WDR87: variants seen among roughly 807,000 people sequenced by gnomAD.
The protein encoded by WDR87 is WD repeat domain 87, also known as WD repeat-containing protein 87.
In WDR87, 56 loss-of-function variants were observed where a neutral mutation model predicts 83.3. The ratio of observed to expected loss-of-function variants is 0.67; its 90% CI spans 0.54 to 0.84. The LOEUF is 0.84. WDR87 is among the 40% of genes least tolerant of loss of function. The pLI, the probability that WDR87 is intolerant of heterozygous loss-of-function variation, is 0.00. For missense variants in WDR87, 2,939 were observed against 3,431.9 expected (o/e 0.86, Z 3.59); for synonymous variants, 1,173 against 1,250.6 (o/e 0.94, Z 1.31).
rs60704260 is a variant in WDR87, at chr19:37,887,467, G to A, written c.6204C>T (p.Ser2068=). The A allele has an allele frequency of 0.22, 336,609 of 1,551,184 alleles. 44,475 individuals carry two copies. Among genetic ancestry groups the A allele is most frequent in the East Asian group, 0.62 (25,380 of 40,898 alleles). ...ATTCCAGTTTTCCTTTGGCAATTTCGCTTTCCTCCATGGCCAATATCCTGT... is the reference window on the plus strand; with the variant it reads ...ATTCCAGTTTTCCTTTGGCAATTTCACTTTCCTCCATGGCCAATATCCTGT... ...HEDRILAMEE[S]EIAKGKLEFT... Residue 2068 remains serine (S), a synonymous_variant, in exon 6 of 6, where the codon AGC becomes AGT. Transcript: ENST00000447313.
chr19:37,884,838 AAAAAG>A lies in WDR87; in HGVS notation c.*89_*93del. On this transcript the variant is annotated 3_prime_UTR_variant, in exon 6 of 6. Transcript: ENST00000447313. ...AGTGAAACACCGTCTCAAAAAAAAA[AAAAAG>A]AGAGAGAGAGAGATGAAGGTCTAGA... 6.8e-6 allele frequency: 8 copies of A among 1,184,342 alleles called. No homozygotes were observed. Among genetic ancestry groups the A allele is most frequent in the Admixed American group, 4.1e-5 (1 of 24,558 alleles). The allele number at this position is 1,184,342 out of a possible 1,614,324, so 73.4% of individuals were successfully genotyped here. A position where few individuals can be genotyped will look rare whatever the true frequency, so the allele number is the denominator to read the frequency against.
rs1209537330 is a variant in WDR87 at position 37,887,980 on chromosome 19, C to A, written c.5691G>T (p.Glu1897Asp). The change falls in exon 6 of 6, where the codon GAG becomes GAT. Residue 1897 changes from glutamate to aspartate, a missense_variant. Glu to Asp is a conservative substitution (Grantham distance 45). Coordinates refer to ENST00000447313, the MANE Select transcript of WDR87 (RefSeq NM_001291088.2). ...GTCTTTCTTTATTATAGAGTAGGTTCTCTTTCCTCTGAGCCAATTTTTCCT... is the reference window on the plus strand; with the variant it reads ...GTCTTTCTTTATTATAGAGTAGGTTATCTTTCCTCTGAGCCAATTTTTCCT... ...QEKEKLAQRK[E>D]NLLYNKERLT... 1 of 1,550,140 alleles carries A rather than the reference C, an allele frequency of 6.5e-7. No individual in the cohort carries two copies. The highest frequency in any genetic ancestry group is 8.7e-7 in the Non-Finnish European group (1 of 1,146,762).
chr19:37,905,453 G>GA (rs537462593), intron 1 of WDR87, among the ~76,000 whole-genome samples: 9 of 115,830 alleles, frequency 7.8e-5, no homozygotes, highest in African/African-American at 1.3e-4. Context: ...AACATAGCAA[G>GA]AAAAAAAAAA....
Position 37,893,111 on chromosome 19 carries a change from C to A in WDR87, c.2592G>T (p.Trp864Cys), listed in dbSNP as rs1191942123. 6.4e-6 allele frequency: 10 copies of A among 1,551,642 alleles called. No individual in the cohort carries two copies. The highest frequency in any genetic ancestry group is 1.7e-4 in the Middle Eastern group (1 of 6,014). The change falls in exon 4 of 6, where the codon TGG (tryptophan) becomes TGT (cysteine). Residue 864 changes from tryptophan to cysteine, a missense_variant. Trp to Cys is a radical substitution (Grantham distance 215, BLOSUM62 -2). Transcript: ENST00000447313. ...EWDRSQEFFF[W>C]HSRVRAISNT... ...TACTTATAGCTCTTACCCTGCTGTGCCAGAAAAAGAATTCTTGAGACCTGT... is the reference window on the plus strand; with the variant it reads ...TACTTATAGCTCTTACCCTGCTGTGACAGAAAAAGAATTCTTGAGACCTGT...
intron 1 of WDR87, among the ~76,000 whole-genome samples, chr19:37,902,068 C>T (rs546297954): frequency 6.6e-6 from 1 of 151,610 alleles, no homozygotes; most frequent in South Asian, 2.1e-4. Context: ...GCCACTCTTT[C>T]CCACACCATA....
Position 37,894,141 on chromosome 19 carries a change from C to T in WDR87, c.1562G>A (p.Gly521Glu), listed in dbSNP as rs537123903. 1.3e-6 allele frequency: 2 copies of T among 1,552,352 alleles called. No homozygotes were observed. The highest frequency in any genetic ancestry group is 1.2e-5 in the South Asian group (1 of 84,054). The change falls in exon 4 of 6, where the codon GGA (glycine) becomes GAA (glutamate). Residue 521 changes from glycine to glutamate, a missense_variant. By Grantham distance (98) the Gly-to-Glu change is moderately conservative. This residue lies in a region of WDR87 where 553 missense variants were observed against 577.9 expected (regional missense o/e 0.96). Coordinates refer to ENST00000447313, the MANE Select transcript of WDR87 (RefSeq NM_001291088.2). ...TCCATAGGAACAGAGCAGAGAGTTT[C>T]CTTGGCCACCAAAAATCCCTCCAGA... ...TLSGGIFGGQ[G>E]NSLLCSYGMD...
intron 1 of WDR87, among the ~76,000 whole-genome samples, chr19:37,902,802 G>A (rs1280232683): frequency 1.3e-5 from 2 of 152,110 alleles, no homozygotes; most frequent in Non-Finnish European, 2.9e-5. Flanking sequence ...CCACGACACG[G>A]TCAGGCCCCT....
In WDR87 at chr19:37,885,268, T is replaced by C. The variant is rs1035008278; in HGVS notation, c.8403A>G (p.Gln2801=). The change falls in exon 6 of 6, where the codon CAA becomes CAG. Residue 2801 remains glutamine, a synonymous_variant. Coordinates refer to ENST00000447313, the MANE Select transcript of WDR87 (RefSeq NM_001291088.2). ...EQFYQLMDLY[Q]LKSPRIQKLL... ...GCTTCTGGATTCTGGGGGACTTAAG[T>C]TGGTACAGGTCCATGAGCTGGTAGA... The C allele has an allele frequency of 6.5e-7, 1 of 1,529,600 alleles. No homozygotes were observed. The highest frequency in any genetic ancestry group is 8.8e-7 in the Non-Finnish European group (1 of 1,137,974). 94.8% of individuals were successfully genotyped at this position (1,529,600 alleles called of 1,614,324 possible).
At position 37,890,263 on chromosome 19, in the gene WDR87, C is replaced by T. The variant is rs750580498; in HGVS notation, c.3408G>A (p.Leu1136=). 2.6e-6 allele frequency: 4 copies of T among 1,527,830 alleles called. No homozygotes were observed. The highest frequency in any genetic ancestry group is 3.5e-6 in the Non-Finnish European group (4 of 1,133,230). 94.6% of individuals were successfully genotyped at this position (1,527,830 alleles called of 1,614,324 possible). A position where few individuals can be genotyped will look rare whatever the true frequency, so the allele number is the denominator to read the frequency against. Reference sequence around the variant, plus strand: ...TCTCTTTCGTCTTCTTGAGACCCCGCAACCATTTTTGGCCTGCAGTAAAAA... The same window carrying T: ...TCTCTTTCGTCTTCTTGAGACCCCGTAACCATTTTTGGCCTGCAGTAAAAA... ...AGVKKHSQKW[L]RGLKKTKERD... is the part of the protein sequence containing the mutation. The change falls in exon 6 of 6, where the codon TTG becomes TTA. Residue 1136 remains leucine, a synonymous_variant. Transcript: ENST00000447313.
At position 37,887,909 on chromosome 19, in the gene WDR87, C is replaced by A. The variant is rs1484053627; in HGVS notation, c.5762G>T (p.Gly1921Val). The change falls in exon 6 of 6, where the codon GGA becomes GTA. Residue 1921 changes from glycine to valine, a missense_variant. Transcript: ENST00000447313. ...CTGAGCCAGTATCTTGTTGAACATT[C>A]CCAATTTGTTCTTTACTTGCACTAA... Reference protein sequence around the residue: ...KQLVQVKNKLGMFNKILAQVE... With the variant: ...KQLVQVKNKLVMFNKILAQVE... 1.9e-6 allele frequency: 3 copies of A among 1,551,540 alleles called. No homozygotes were observed. Among genetic ancestry groups the A allele is most frequent in the Non-Finnish European group, 2.6e-6 (3 of 1,146,992 alleles).
intron 1 of WDR87, among the ~76,000 whole-genome samples, chr19:37,899,406 G>C (rs1315009962): frequency 1.1e-5 from 1 of 94,638 alleles, no homozygotes; most frequent in Non-Finnish European, 1.8e-5. Flanking sequence ...GAAAGAGTGA[G>C]ACTCAGTCTC....
intron 1 of WDR87, among the ~76,000 whole-genome samples, chr19:37,902,527 A>G (rs553251751): frequency 4.8e-4 from 73 of 152,244 alleles, no homozygotes; most frequent in African/African-American, 1.7e-3. Flanking sequence ...TGATTGTTTA[A>G]TATCTTAACA....
chr19:37,891,904 G>T lies in WDR87; in HGVS notation c.3126-84C>A, dbSNP rs2046209015. 3.5e-5 allele frequency: 52 copies of T among 1,479,362 alleles called. 1 individual carries two copies. In the South Asian group the frequency reaches 6.4e-4, roughly 18 times the overall value. The allele number at this position is 1,479,362 out of a possible 1,614,324, so 91.6% of individuals were successfully genotyped here. On this transcript the variant is annotated intron_variant, in intron 4 of 5. Coordinates refer to ENST00000447313, the MANE Select transcript of WDR87 (RefSeq NM_001291088.2). ...GAAGCAAAAAACGGTTGTGGAACAG[G>T]CAGGAGGCTTGGCAAAGTGGCCAAG...
chr19:37,902,540 A>G (rs535816684), intron 1 of WDR87, among the ~76,000 whole-genome samples: 3 of 152,282 alleles, frequency 2.0e-5, no homozygotes, highest in Non-Finnish European at 2.9e-5. Context: ...TCTTAACACA[A>G]AGATAATCTA....
chr19:37,889,692 G>GA lies in WDR87; in HGVS notation c.3978dup (p.Gln1327SerfsTer12). The GA allele has an allele frequency of 6.4e-7, 1 of 1,551,718 alleles. No homozygotes were observed. The highest frequency in any genetic ancestry group is 2.4e-5 in the East Asian group (1 of 40,908). ...TTCTTCAATAGGGGGCAGATCTCCT[G>GA]AAAGAGTTCCCAGCTGGGGTGCCTA... On this transcript the variant is annotated frameshift_variant, in exon 6 of 6. Coordinates refer to ENST00000447313, the MANE Select transcript of WDR87 (RefSeq NM_001291088.2). LOFTEE classifies it low-confidence loss of function (END_TRUNC).
chr19:37,891,672 C>T lies in WDR87; in HGVS notation c.3274G>A (p.Val1092Ile), dbSNP rs1322988371. Residue 1092 changes from valine (V) to isoleucine (I), a missense_variant, in exon 5 of 6, where the codon GTC becomes ATC. This residue lies in a region of WDR87 where 2,160 missense variants were observed against 2,533.1 expected (regional missense o/e 0.85). Transcript: ENST00000447313. ...GATTTAAGTTCAGAAGGCATTGAGA[C>T]ATCTAAAGAAAAAGCCGGCTTTTCA... ...RDEKPAFSLD[V>I]SMPSELKSSL... 1.9e-6 allele frequency: 3 copies of T among 1,551,824 alleles called. No individual in the cohort carries two copies. The highest frequency in any genetic ancestry group is 2.0e-5 in the Admixed American group (1 of 50,994).
In WDR87 at chr19:37,888,514, T is replaced by G. The variant is rs1328392575; in HGVS notation, c.5157A>C (p.Ala1719=). The stretch of plus-strand genomic sequence containing the variant: ...CCTCAGCCAGTTTCCCTCCTTTCTT[T>G]GCTAGTTTCTCTTCTTCTCTAGCCA... ...EKVAREEEKL[A]KKGGKLAEVK... is the part of the protein sequence containing the mutation. Residue 1719 remains alanine, a synonymous_variant, in exon 6 of 6, where the codon GCA becomes GCC. Transcript: ENST00000447313. 6.4e-7 allele frequency: 1 copy of G among 1,551,742 alleles called. No homozygotes were observed. Among genetic ancestry groups the G allele is most frequent in the South Asian group, 1.2e-5 (1 of 84,056 alleles).
At chr19:37,891,205 C>T (rs186328365) in intron 5 of WDR87, among the ~76,000 whole-genome samples, 1 of 151,390 alleles carries the variant, frequency 6.6e-6, no homozygotes, top group East Asian at 1.9e-4. Context: ...GCTCTGTCAC[C>T]CAGGCTGGAG....
At position 37,886,827 on chromosome 19, in the gene WDR87, A is replaced by G. The variant is rs903937392; in HGVS notation, c.6844T>C (p.Leu2282=). 2 of 1,549,506 alleles carry G rather than the reference A, an allele frequency of 1.3e-6. No individual in the cohort carries two copies. Among genetic ancestry groups the G allele is most frequent in the African/African-American group, 2.8e-5 (2 of 72,492 alleles). ...CTTTCCTCCTCCTCCTCAGAAGACA[A>G]ACTCTCTTGCTTTTCTAGTTCATCT... The part of the protein sequence containing the change: ...LLDELEKQES[L]SSEEEEEREE... The change falls in exon 6 of 6, where the codon TTG becomes CTG. Residue 2282 remains leucine, a synonymous_variant. Transcript: ENST00000447313.
Sources: allele counts gnomAD v4.1 joint callset (sites outside exome capture counted in the v4.1 genomes callset), GRCh38; gene constraint gnomAD v4.1.1; regional missense constraint gnomAD v4.1.1; transcripts MANE v1.5; gene names NCBI Gene and HGNC (gene_info 2026-07-23, HGNC 2026-07-21).